Variants in ASTN2 observed in about 807,000 individuals in gnomAD.
The protein encoded by ASTN2 is astrotactin 2.
Under a neutral mutation model 139.8 loss-of-function variants are expected in ASTN2, and 54 were observed. The observed-to-expected ratio is 0.39, with a 90% CI of 0.31 to 0.48. The LOEUF is 0.48. Ranked by LOEUF, ASTN2 falls within the 20% of genes least tolerant of loss-of-function variation. The pLI, the probability that ASTN2 is intolerant of heterozygous loss-of-function variation, is 0.95. For missense variants in ASTN2, 1,565 were observed against 1,725.1 expected (o/e 0.91, Z 1.64); for synonymous variants, 756 against 719.5 (o/e 1.05, Z -0.81).
chr9:117,285,574 A>T (rs1190620653), intron 2 of ASTN2, among the ~76,000 whole-genome samples: 1 of 152,216 alleles, frequency 6.6e-6, no homozygotes, highest in Non-Finnish European at 1.5e-5. Context: ...TCAAAGTATT[A>T]TTCTATGTTA....
chr9:116,878,080 A>C (rs1833351500), intron 10 of ASTN2, among the ~76,000 whole-genome samples: 1 of 152,228 alleles, frequency 6.6e-6, no homozygotes. Flanking sequence ...GAAGCTGTGG[A>C]CAAATAGGAA....
chr9:116,986,160 GC>G (rs34143043), intron 7 of ASTN2, among the ~76,000 whole-genome samples: 6,315 of 131,642 alleles, frequency 0.048, 89 homozygotes, highest in African/African-American at 0.12. Flanking sequence ...TGTCCAGGCT[GC>G]CCCCCCCCAC....
intron 19 of ASTN2, among the ~76,000 whole-genome samples, chr9:116,501,915 A>G (rs1272948616): frequency 2.6e-5 from 4 of 151,490 alleles, no homozygotes; most frequent in African/African-American, 7.3e-5. Context: ...CCATTCCCCA[A>G]ACTCAGTTCT....
At chr9:116,947,930 T>C (rs543104986) in intron 10 of ASTN2, among the ~76,000 whole-genome samples, 16 of 152,116 alleles carry the variant, frequency 1.1e-4, no homozygotes, top group African/African-American at 3.9e-4. Context: ...AGGTAATGTC[T>C]TTTAGTCTTT....
chr9:117,120,012 GTGTGTGTATATATATA>G (rs1472401398), intron 4 of ASTN2, among the ~76,000 whole-genome samples: 18,309 of 68,620 alleles, frequency 0.27, 1,840 homozygotes, highest in Middle Eastern at 0.34. Flanking sequence ...GTGTGTGTGT[GTGTGTGTATATATATA>G]TATATATATA....
At chr9:117,329,442 G>A (rs1828630758) in intron 1 of ASTN2, among the ~76,000 whole-genome samples, 1 of 152,048 alleles carries the variant, frequency 6.6e-6, no homozygotes. Context: ...AGGAAAGAGG[G>A]AGAGGAGAGG....
chr9:116,798,229 C>T (rs773490147), intron 13 of ASTN2, among the ~76,000 whole-genome samples: 2 of 152,204 alleles, frequency 1.3e-5, no homozygotes, highest in Non-Finnish European at 2.9e-5. Context: ...CAAGATCATG[C>T]CACTGCACGC....
intron 3 of ASTN2, among the ~76,000 whole-genome samples, chr9:117,185,417 T>A (rs1831171850): frequency 6.6e-6 from 1 of 152,142 alleles, no homozygotes; most frequent in African/African-American, 2.4e-5. Context: ...TGTTTGAGGA[T>A]CTGCCACATT....
At chr9:116,769,239 G>A (rs772754720) in intron 13 of ASTN2, among the ~76,000 whole-genome samples, 1 of 152,180 alleles carries the variant, frequency 6.6e-6, no homozygotes, top group Admixed American at 6.5e-5. Flanking sequence ...AAACAATGGT[G>A]CTAAATAAAA....
chr9:117,309,338 A>C (rs1333104909), intron 1 of ASTN2, among the ~76,000 whole-genome samples: 2 of 152,240 alleles, frequency 1.3e-5, no homozygotes, highest in Non-Finnish European at 2.9e-5. Flanking sequence ...AGCTAGATAG[A>C]CCTTAAGAGA....
chr9:117,148,892 C>T (rs997740833), intron 3 of ASTN2, among the ~76,000 whole-genome samples: 10 of 152,172 alleles, frequency 6.6e-5, no homozygotes, highest in African/African-American at 2.4e-4. Context: ...TACCTTTGGA[C>T]TTGAGCCGCA....
At chr9:117,281,674 C>G (rs896747101) in intron 2 of ASTN2, among the ~76,000 whole-genome samples, 1 of 152,156 alleles carries the variant, frequency 6.6e-6, no homozygotes, top group Admixed American at 6.5e-5. Flanking sequence ...GAATGGTCAC[C>G]AAGGGGACAC....
At chr9:116,432,458 G>A (rs556510032) in intron 22 of ASTN2, among the ~76,000 whole-genome samples, 1 of 152,218 alleles carries the variant, frequency 6.6e-6, no homozygotes, top group East Asian at 1.9e-4. Context: ...TTGCAACTAT[G>A]GACAGTTTAC....
At chr9:117,398,931 G>A (rs771732884) in intron 1 of ASTN2, among the ~76,000 whole-genome samples, 28 of 152,176 alleles carry the variant, frequency 1.8e-4, no homozygotes, top group Middle Eastern at 3.4e-3. Flanking sequence ...ACAGACATGC[G>A]CTGCCACATC....
chr9:116,536,214 T>C (rs1009291201), intron 19 of ASTN2, among the ~76,000 whole-genome samples: 1 of 152,020 alleles, frequency 6.6e-6, no homozygotes, highest in Non-Finnish European at 1.5e-5. Flanking sequence ...CATCAGGTCA[T>C]TTAAGGACTT....
At chr9:116,559,507 G>A (rs1338153047) in intron 19 of ASTN2, among the ~76,000 whole-genome samples, 1 of 152,148 alleles carries the variant, frequency 6.6e-6, no homozygotes, top group Non-Finnish European at 1.5e-5. Context: ...AACTTAGTGT[G>A]TTTGTGTATG....
intron 2 of ASTN2, among the ~76,000 whole-genome samples, chr9:117,258,000 G>A (rs1833732132): frequency 6.6e-6 from 1 of 152,162 alleles, no homozygotes; most frequent in African/African-American, 2.4e-5. Flanking sequence ...GGGTCCCCTT[G>A]TCACTGCTCA....
intron 6 of ASTN2, among the ~76,000 whole-genome samples, chr9:117,016,640 A>AAAACC (rs1837701605): frequency 4.6e-5 from 1 of 21,730 alleles, no homozygotes; most frequent in African/African-American, 1.2e-4. Context: ...ATATATATAT[A>AAAACC]TATATATATA....
At chr9:116,877,314 GT>G (rs56011005) in intron 10 of ASTN2, among the ~76,000 whole-genome samples, 52,415 of 151,226 alleles carry the variant, frequency 0.35, 9,762 homozygotes, top group East Asian at 0.53. Context: ...CTAAGTGTGG[GT>G]TTTTTTTTGG....
Sources: gnomAD v4.1 joint callset for allele counts (sites outside exome capture counted in the v4.1 genomes callset) on GRCh38, gnomAD v4.1.1 for gene constraint, MANE v1.5 for transcripts, NCBI Gene and HGNC (gene_info 2026-07-23, HGNC 2026-07-21) for gene names.